The following ASB9 variants were observed in gnomAD, a reference collection of about 807,000 sequenced individuals.
ASB9 encodes ankyrin repeat and SOCS box containing 9, also known as ankyrin repeat and SOCS box protein 9.
In ASB9, 5 loss-of-function variants were observed where a neutral mutation model predicts 16.6. That is an observed-to-expected ratio of 0.30 (90% confidence interval 0.16 to 0.63). ASB9 has a LOEUF of 0.63. Ranked by LOEUF, ASB9 falls within the 30% of genes least tolerant of loss-of-function variation. The pLI, the probability that ASB9 is intolerant of heterozygous loss-of-function variation, is 0.82. For synonymous variants in ASB9, 100 were observed against 86.4 expected (o/e 1.16, Z -0.87); for missense variants, 216 against 229.4 (o/e 0.94, Z 0.38).
At chrX:15,251,689 A>C (rs910857235) in intron 4 of ASB9, among the ~76,000 whole-genome samples, 1 of 112,204 alleles carries the variant, frequency 8.9e-6, no homozygotes, top group Admixed American at 9.5e-5. Flanking sequence ...ATGAGCTAAG[A>C]CTATCAGAAA....
At chrX:15,268,778 C>T (rs1461541023) in intron 1 of ASB9, among the ~76,000 whole-genome samples, 1 of 105,050 alleles carries the variant, frequency 9.5e-6, no homozygotes, top group African/African-American at 3.5e-5. Flanking sequence ...CGCGCCACTG[C>T]ACTCCAGCCT....
intron 1 of ASB9, among the ~76,000 whole-genome samples, chrX:15,267,761 A>C (rs763481512): frequency 0.041 from 4,234 of 102,246 alleles, 102 homozygotes; most frequent in Non-Finnish European, 0.061. Context: ...ACAAAAAAAA[A>C]AAAAAAAAAA....
chrX:15,258,564 C>G (rs911782248), intron 2 of ASB9, among the ~76,000 whole-genome samples: 1 of 112,082 alleles, frequency 8.9e-6, no homozygotes, highest in African/African-American at 3.2e-5. Context: ...TCACTCAGCT[C>G]TATCTGAAAT....
At chrX:15,258,835 T>G in intron 2 of ASB9, 31 bp downstream of exon 2, 6 of 1,107,694 alleles carry the variant, frequency 5.4e-6, no homozygotes, top group Non-Finnish European at 7.5e-6. Flanking sequence ...TTTTGATAGG[T>G]TTCTTCTGTA....
At chrX:15,264,788 C>T (rs1303743565) in intron 1 of ASB9, among the ~76,000 whole-genome samples, 1 of 111,962 alleles carries the variant, frequency 8.9e-6, no homozygotes, top group Non-Finnish European at 1.9e-5. Flanking sequence ...ACCCAAGGGG[C>T]AGGACTGATG....
intron 5 of ASB9, among the ~76,000 whole-genome samples, chrX:15,250,201 ATCATCATCC>A (rs1171636475): frequency 9.1e-6 from 1 of 109,410 alleles, no homozygotes; most frequent in African/African-American, 3.4e-5. Flanking sequence ...CATCATCATC[ATCATCATCC>A]TCCTCCTCCT....
chrX:15,260,291 G>A (rs1396591001), intron 1 of ASB9, among the ~76,000 whole-genome samples: 1 of 111,795 alleles, frequency 8.9e-6, no homozygotes, highest in African/African-American at 3.3e-5. Flanking sequence ...CCAGCTAGTC[G>A]GGAGGCTGAG....
At position 15,265,379 on chromosome X, in the gene ASB9, T is replaced by A. The variant is rs1488560348; in HGVS notation, c.94+4402A>T. On this transcript the variant is annotated intron_variant, in intron 1 of 6. Transcript: ENST00000380488. The stretch of plus-strand genomic sequence containing the variant: ...GACATTACTTTGGGCTTGAGAACCT[T>A]ATAATTTTGCCTGCCTTCTGTTAGT... Among the ~76,000 whole-genome samples, 4 of 112,260 alleles carry A rather than the reference T, an allele frequency of 3.6e-5. No homozygotes were observed. The East Asian group carries it at 1.1e-3, about 31-fold the overall frequency.
At chrX:15,249,668 G>T (rs768109223) in intron 5 of ASB9, among the ~76,000 whole-genome samples, 1 of 112,457 alleles carries the variant, frequency 8.9e-6, no homozygotes, top group Non-Finnish European at 1.9e-5. Flanking sequence ...ATCTGGTCTT[G>T]TATTGTTCCT....
At chrX:15,248,659 A>G in intron 6 of ASB9, 85 bp downstream of exon 6, 1 of 1,131,213 alleles carries the variant, frequency 8.8e-7, no homozygotes, top group Non-Finnish European at 1.2e-6. Flanking sequence ...TAGGAATGGG[A>G]GCCAGAAATT....
At chrX:15,269,013 G>A (rs1335306967) in intron 1 of ASB9, among the ~76,000 whole-genome samples, 3 of 110,442 alleles carry the variant, frequency 2.7e-5, no homozygotes, top group Non-Finnish European at 5.7e-5. Flanking sequence ...CGAAAGTTAC[G>A]AACTTTGAGT....
At chrX:15,248,640 A>G in intron 6 of ASB9, 104 bp downstream of exon 6, 1 of 1,110,916 alleles carries the variant, frequency 9.0e-7, no homozygotes, top group Non-Finnish European at 1.2e-6. Context: ...TCAGAGAATG[A>G]TCTTTTTATA....
intron 5 of ASB9, among the ~76,000 whole-genome samples, chrX:15,249,296 G>A (rs1924917989): frequency 8.9e-6 from 1 of 112,323 alleles, no homozygotes; most frequent in African/African-American, 3.2e-5. Flanking sequence ...ACTAGATGGT[G>A]AAATCCAGCC....
chrX:15,254,328 G>A (rs1925366531), intron 3 of ASB9, among the ~76,000 whole-genome samples: 1 of 112,175 alleles, frequency 8.9e-6, no homozygotes, highest in Non-Finnish European at 1.9e-5. Context: ...CATTTTTGCT[G>A]CTCTTGCAAT....
At chrX:15,259,569 C>T (rs1389795921) in intron 1 of ASB9, among the ~76,000 whole-genome samples, 3 of 112,760 alleles carry the variant, frequency 2.7e-5, no homozygotes, top group Non-Finnish European at 3.7e-5. Context: ...AATTCAGACC[C>T]GCTTCACCTT....
intron 1 of ASB9, among the ~76,000 whole-genome samples, chrX:15,267,425 T>TTTAAAAAAAAAAAAAAA (rs377056337): frequency 1.2e-3 from 104 of 87,328 alleles, no homozygotes; most frequent in East Asian, 2.9e-3. Context: ...AAAATATATA[T>TTTAAAAAAAAAAAAAAA]ATATATATAA....
chrX:15,252,511 C>T lies in ASB9; in HGVS notation c.283-107G>A. 7 of 789,466 alleles carry T rather than the reference C, an allele frequency of 8.9e-6. No homozygotes were observed. The South Asian group carries it at 2.7e-4, about 30-fold the overall frequency. The allele number at this position is 789,466 out of a possible 1,213,427, so 65.1% of individuals were successfully genotyped here. On this transcript the variant is annotated intron_variant, in intron 3 of 6. Coordinates refer to ENST00000380488, the MANE Select transcript of ASB9 (RefSeq NM_001031739.3). Reference sequence around the variant, plus strand: ...ATTTAACATCTCTGAGCCTTAAATTCCTCAGCTATAAAATGGAGAAATAAC... The same window carrying T: ...ATTTAACATCTCTGAGCCTTAAATTTCTCAGCTATAAAATGGAGAAATAAC...
chrX:15,247,156 G>T (rs781264090), intron 6 of ASB9, among the ~76,000 whole-genome samples: 1 of 111,294 alleles, frequency 9.0e-6, no homozygotes, highest in Non-Finnish European at 1.9e-5. Context: ...CAATCCACAG[G>T]TCTAGTTTTC....
intron 3 of ASB9, among the ~76,000 whole-genome samples, chrX:15,253,229 G>C (rs1164674665): frequency 2.0e-5 from 2 of 102,390 alleles, no homozygotes; most frequent in African/African-American, 7.2e-5. Context: ...GTGAGACTCT[G>C]TCTCAAAAAA....
Sources: allele counts gnomAD v4.1 joint callset (sites outside exome capture counted in the v4.1 genomes callset), GRCh38; gene constraint gnomAD v4.1.1; transcripts MANE v1.5; gene names NCBI Gene and HGNC (gene_info 2026-07-23, HGNC 2026-07-21).